Variants in ARHGAP26 observed in about 807,000 individuals in gnomAD.
The protein encoded by ARHGAP26 is rho GTPase-activating protein 26.
In ARHGAP26, 38 loss-of-function variants were observed where a neutral mutation model predicts 104.8. The ratio of observed to expected loss-of-function variants is 0.36; its 90% CI spans 0.28 to 0.48. The LOEUF (loss-of-function observed/expected upper bound fraction) is 0.48, where lower values mean the gene tolerates loss of function less well. Among genes scored for constraint, ARHGAP26 ranks in the 20% least tolerant of loss-of-function variants. ARHGAP26 has a pLI of 0.99. For synonymous variants in ARHGAP26, 341 were observed against 340.0 expected, an observed-to-expected ratio of 1.00 and a Z score of -0.03; for missense variants, 704 against 947.9, an observed-to-expected ratio of 0.74 and a Z score of 3.38.
At chr5:142,940,359 G>T (rs752876142) in intron 11 of ARHGAP26, among the ~76,000 whole-genome samples, 1 of 152,040 alleles carries the variant, frequency 6.6e-6, no homozygotes, top group Admixed American at 6.5e-5. Context: ...ACATGTGCAG[G>T]TTTGTTATGT....
intron 21 of ARHGAP26, among the ~76,000 whole-genome samples, chr5:143,208,357 A>G (rs145200035): frequency 6.6e-6 from 1 of 152,238 alleles, no homozygotes; most frequent in African/African-American, 2.4e-5. Flanking sequence ...CTTTGGGAGT[A>G]TTTTCCCTTC....
At chr5:142,853,153 T>TA (rs1465927534) in intron 1 of ARHGAP26, among the ~76,000 whole-genome samples, 1 of 152,206 alleles carries the variant, frequency 6.6e-6, no homozygotes, top group African/African-American at 2.4e-5. Flanking sequence ...GGTGAGAACT[T>TA]ATCTTTATGG....
chr5:143,211,720 T>C (rs556130332), intron 21 of ARHGAP26, among the ~76,000 whole-genome samples: 1 of 151,972 alleles, frequency 6.6e-6, no homozygotes, highest in East Asian at 1.9e-4. Flanking sequence ...ACGTGTCCCA[T>C]CATGCCTGGC....
At position 143,121,129 on chromosome 5, in the gene ARHGAP26, A is replaced by G; in HGVS notation, c.1680A>G (p.Leu560=). The change falls in exon 18 of 23, where the codon CTA becomes CTG. Residue 560 remains leucine, a synonymous_variant. Transcript: ENST00000645722. ...IKFQNIVIEI[L]IENHEKIFNT... is the part of the protein sequence containing the mutation. ...TTCAGAACATTGTCATTGAGATCCTAATAGAAAACCACGAAAAGGTAATAT... is the reference window on the plus strand; with the variant it reads ...TTCAGAACATTGTCATTGAGATCCTGATAGAAAACCACGAAAAGGTAATAT... 2 of 1,613,486 alleles carry G rather than the reference A, an allele frequency of 1.2e-6. No individual in the cohort carries two copies. Among genetic ancestry groups the G allele is most frequent in the Non-Finnish European group, 1.7e-6 (2 of 1,179,588 alleles).
chr5:143,099,872 A>T (rs1340023254), intron 17 of ARHGAP26, among the ~76,000 whole-genome samples: 1 of 152,262 alleles, frequency 6.6e-6, no homozygotes, highest in East Asian at 1.9e-4. Flanking sequence ...AAGGGATTAA[A>T]ACCAAAAGAA....
intron 20 of ARHGAP26, among the ~76,000 whole-genome samples, chr5:143,200,116 C>T (rs941476337): frequency 6.6e-5 from 10 of 152,146 alleles, no homozygotes; most frequent in African/African-American, 2.2e-4. Context: ...ACCAGGAAAG[C>T]AAAGAGTCCA....
chr5:143,009,768 A>C (rs976336703), intron 11 of ARHGAP26, among the ~76,000 whole-genome samples: 13 of 152,224 alleles, frequency 8.5e-5, no homozygotes, highest in Admixed American at 3.3e-4. Context: ...CTATACCTAC[A>C]TCAAAGTATA....
chr5:143,089,403 CA>C (rs1446312002), intron 17 of ARHGAP26, among the ~76,000 whole-genome samples: 1 of 152,196 alleles, frequency 6.6e-6, no homozygotes, highest in Non-Finnish European at 1.5e-5. Flanking sequence ...ACTTTCTATT[CA>C]TGCTGTAAAG....
intron 18 of ARHGAP26, among the ~76,000 whole-genome samples, chr5:143,124,027 G>A (rs1475314746): frequency 1.3e-5 from 2 of 152,096 alleles, no homozygotes; most frequent in African/African-American, 2.4e-5. Context: ...TCTAGTCTTA[G>A]TGTCAAAAGT....
At chr5:142,950,472 A>G (rs1360792491) in intron 11 of ARHGAP26, among the ~76,000 whole-genome samples, 1 of 151,932 alleles carries the variant, frequency 6.6e-6, no homozygotes, top group East Asian at 1.9e-4. Flanking sequence ...TCAATGCTGC[A>G]TGTTCTTTTT....
intron 1 of ARHGAP26, among the ~76,000 whole-genome samples, chr5:142,832,134 A>G (rs1382196599): frequency 5.3e-5 from 8 of 152,190 alleles, no homozygotes; most frequent in Admixed American, 1.3e-4. Context: ...ATAATAGTCT[A>G]TTTTTGATGT....
intron 20 of ARHGAP26, chr5:143,193,989 G>A (rs1356796142): frequency 6.6e-6 from 1 of 152,084 alleles, no homozygotes; most frequent in East Asian, 1.9e-4. Context: ...GATGAACAAG[G>A]GTCAGTTGTC....
At chr5:143,050,800 T>G (rs1784897309) in intron 14 of ARHGAP26, among the ~76,000 whole-genome samples, 1 of 152,066 alleles carries the variant, frequency 6.6e-6, no homozygotes, top group Non-Finnish European at 1.5e-5. Flanking sequence ...GGATAGAGGA[T>G]TGATCATTCT....
chr5:143,130,283 T>G (rs533022934), intron 18 of ARHGAP26, among the ~76,000 whole-genome samples: 70 of 152,372 alleles, frequency 4.6e-4, no homozygotes, highest in African/African-American at 1.7e-3. Flanking sequence ...CAGAGTTATA[T>G]TTTTGTTTTA....
At chr5:143,067,632 C>T (rs1374973093) in intron 17 of ARHGAP26, among the ~76,000 whole-genome samples, 6 of 152,184 alleles carry the variant, frequency 3.9e-5, no homozygotes, top group Non-Finnish European at 8.8e-5. Context: ...TTATAAGTCA[C>T]TATTCTTGAT....
intron 6 of ARHGAP26, among the ~76,000 whole-genome samples, chr5:142,898,991 G>A (rs188290987): frequency 6.6e-6 from 1 of 152,190 alleles, no homozygotes; most frequent in South Asian, 2.1e-4. Flanking sequence ...AACCTGCAGT[G>A]AAAGGTGACT....
At chr5:143,190,041 A>G (rs1373247555) in intron 20 of ARHGAP26, among the ~76,000 whole-genome samples, 2 of 152,064 alleles carry the variant, frequency 1.3e-5, no homozygotes, top group African/African-American at 2.4e-5. Context: ...GGGGGAAAAA[A>G]AAAAAAAGAC....
intron 1 of ARHGAP26, among the ~76,000 whole-genome samples, chr5:142,838,444 G>A (rs891224872): frequency 1.3e-5 from 2 of 152,156 alleles, no homozygotes; most frequent in Non-Finnish European, 1.5e-5. Context: ...ATGGCCAAAG[G>A]CATAATGATA....
intron 9 of ARHGAP26, 94 bp downstream of exon 9, chr5:142,907,898 T>G: frequency 1.4e-6 from 1 of 716,390 alleles, no homozygotes; most frequent in Non-Finnish European, 2.1e-6. Context: ...GTGTTATATT[T>G]ATGTTTCATC....
Sources: gnomAD v4.1 joint callset for allele counts (sites outside exome capture counted in the v4.1 genomes callset) on GRCh38, gnomAD v4.1.1 for gene constraint, MANE v1.5 for transcripts, NCBI Gene and HGNC (gene_info 2026-07-23, HGNC 2026-07-21) for gene names.